The following PDE7B variants were observed in gnomAD, a reference collection of about 807,000 sequenced individuals.
PDE7B encodes phosphodiesterase 7B.
A neutral mutation model predicts 56.2 loss-of-function variants in PDE7B; 29 were observed. That is an observed-to-expected ratio of 0.52 (90% CI 0.38 to 0.70). The LOEUF (loss-of-function observed/expected upper bound fraction) is 0.70, where lower values mean the gene tolerates loss of function less well. Ranked by LOEUF, PDE7B falls within the 30% of genes least tolerant of loss-of-function variation. The pLI, the probability that PDE7B is intolerant of heterozygous loss-of-function variation, is 0.00. For missense variants in PDE7B, 490 were observed against 565.0 expected, an observed-to-expected ratio of 0.87 and a Z score of 1.35; for synonymous variants, 197 against 196.9, an observed-to-expected ratio of 1.00 and a Z score of 0.00.
At chr6:135,982,391 GCTCT>G (rs147932327) in intron 2 of PDE7B, among the ~76,000 whole-genome samples, 26 of 150,680 alleles carry the variant, frequency 1.7e-4, no homozygotes, top group South Asian at 2.1e-4. Flanking sequence ...TCACATGTTA[GCTCT>G]CTCTCTCTCT....
At chr6:136,147,605 C>G in intron 4 of PDE7B, 103 bp downstream of exon 4, 1 of 862,538 alleles carries the variant, frequency 1.2e-6, no homozygotes, top group Admixed American at 2.3e-5. Flanking sequence ...CTGAGGAGCT[C>G]TGTGACCCTG....
intron 11 of PDE7B, among the ~76,000 whole-genome samples, chr6:136,185,571 G>A (rs1025424737): frequency 6.6e-6 from 1 of 151,846 alleles, no homozygotes; most frequent in Non-Finnish European, 1.5e-5. Flanking sequence ...CCTAGGCAAC[G>A]TAGAGATCCT....
intron 12 of PDE7B, 81 bp from the exon 13 acceptor site, chr6:136,191,533 G>A: frequency 2.6e-6 from 3 of 1,171,772 alleles, no homozygotes; most frequent in South Asian, 2.7e-5. Context: ...CGGGCGTGGT[G>A]GGTCCCCAGT....
chr6:135,975,363 C>A (rs1775166884), intron 2 of PDE7B, among the ~76,000 whole-genome samples: 2 of 152,146 alleles, frequency 1.3e-5, no homozygotes, highest in African/African-American at 4.8e-5. Flanking sequence ...AGCTTTTCCT[C>A]TCTGACCTCT....
At chr6:135,928,263 A>G (rs577430667) in intron 1 of PDE7B, among the ~76,000 whole-genome samples, 1 of 151,390 alleles carries the variant, frequency 6.6e-6, no homozygotes, top group Non-Finnish European at 1.5e-5. Flanking sequence ...CAGAACTACC[A>G]TTTGACCCAG....
At chr6:135,894,917 A>G (rs1023782143) in intron 1 of PDE7B, among the ~76,000 whole-genome samples, 18 of 152,094 alleles carry the variant, frequency 1.2e-4, no homozygotes, top group Admixed American at 7.2e-4. Flanking sequence ...CTTTAAGGAA[A>G]TTTTTCTCAC....
At chr6:135,938,305 CAA>C (rs1774454682) in intron 1 of PDE7B, among the ~76,000 whole-genome samples, 1 of 152,146 alleles carries the variant, frequency 6.6e-6, no homozygotes. Flanking sequence ...TTTTTGAAAA[CAA>C]AGTGTGGCTA....
At chr6:136,032,434 A>T (rs2128209130) in intron 2 of PDE7B, among the ~76,000 whole-genome samples, 1 of 152,344 alleles carries the variant, frequency 6.6e-6, no homozygotes, top group African/African-American at 2.4e-5. Context: ...AAATGCACTT[A>T]CAAAGAATAT....
At chr6:136,043,613 T>TAA (rs1776449325) in intron 2 of PDE7B, among the ~76,000 whole-genome samples, 1 of 142,222 alleles carries the variant, frequency 7.0e-6, no homozygotes, top group East Asian at 2.1e-4. Context: ...GAATAGAACC[T>TAA]AAGTTCCACC....
chr6:136,141,409 A>T (rs1778323679), intron 3 of PDE7B, among the ~76,000 whole-genome samples: 1 of 152,120 alleles, frequency 6.6e-6, no homozygotes, highest in South Asian at 2.1e-4. Flanking sequence ...TTCATCAGGA[A>T]TATTGGTCTA....
At chr6:136,157,412 T>C (rs1400039107) in intron 8 of PDE7B, among the ~76,000 whole-genome samples, 1 of 152,108 alleles carries the variant, frequency 6.6e-6, no homozygotes, top group Non-Finnish European at 1.5e-5. Flanking sequence ...ACCCCGTCTC[T>C]ACTAAAAATA....
intron 2 of PDE7B, among the ~76,000 whole-genome samples, chr6:135,998,507 A>G (rs1775605790): frequency 6.6e-6 from 1 of 152,240 alleles, no homozygotes; most frequent in South Asian, 2.1e-4. Context: ...CTGTAATCCC[A>G]GCACTTTGGG....
chr6:135,949,410 C>T (rs1388720635), intron 2 of PDE7B, among the ~76,000 whole-genome samples: 4 of 152,072 alleles, frequency 2.6e-5, no homozygotes, highest in African/African-American at 4.8e-5. Context: ...GTTTATATAG[C>T]TGCCAGAAAA....
intron 1 of PDE7B, among the ~76,000 whole-genome samples, chr6:135,862,046 G>A (rs1392837525): frequency 6.6e-6 from 1 of 151,778 alleles, no homozygotes; most frequent in East Asian, 1.9e-4. Context: ...GGTAATCAGA[G>A]CATCCAGAAT....
chr6:135,929,819 G>T (rs1774260813), intron 1 of PDE7B, among the ~76,000 whole-genome samples: 1 of 152,138 alleles, frequency 6.6e-6, no homozygotes, highest in Non-Finnish European at 1.5e-5. Flanking sequence ...AGGACCAGGT[G>T]ATACCAGAGC....
At chr6:135,931,669 A>G (rs528377548) in intron 1 of PDE7B, among the ~76,000 whole-genome samples, 1 of 152,316 alleles carries the variant, frequency 6.6e-6, no homozygotes, top group South Asian at 2.1e-4. Flanking sequence ...TAACAACTTG[A>G]AAATAAATGA....
At chr6:135,898,585 A>G (rs1366113450) in intron 1 of PDE7B, among the ~76,000 whole-genome samples, 1 of 152,192 alleles carries the variant, frequency 6.6e-6, no homozygotes, top group African/African-American at 2.4e-5. Flanking sequence ...AATTTTGGTC[A>G]TTTTGAAAAG....
intron 2 of PDE7B, among the ~76,000 whole-genome samples, chr6:136,062,067 G>A (rs1316657418): frequency 3.9e-5 from 6 of 152,154 alleles, no homozygotes; most frequent in Admixed American, 2.0e-4. Context: ...CTGTGGGATC[G>A]CCAATGCATG....
intron 1 of PDE7B, among the ~76,000 whole-genome samples, chr6:135,931,621 A>G (rs1429254587): frequency 6.6e-6 from 1 of 152,236 alleles, no homozygotes; most frequent in Admixed American, 6.5e-5. Context: ...ACAATGGAAT[A>G]TATTATGGGA....
Sources: gnomAD v4.1 joint callset for allele counts (sites outside exome capture counted in the v4.1 genomes callset) on GRCh38, gnomAD v4.1.1 for gene constraint, MANE v1.5 for transcripts, NCBI Gene and HGNC (gene_info 2026-07-23, HGNC 2026-07-21) for gene names.